KIF13A: variants seen among roughly 807,000 people sequenced by gnomAD.
KIF13A encodes kinesin-like protein KIF13A.
Under a neutral mutation model 212.2 loss-of-function variants are expected in KIF13A, and 79 were observed. That is an observed-to-expected ratio of 0.37 (90% confidence interval 0.31 to 0.45). The LOEUF (loss-of-function observed/expected upper bound fraction) is 0.45, where lower values mean the gene tolerates loss of function less well. Ranked by LOEUF, KIF13A falls within the 20% of genes least tolerant of loss-of-function variation. The probability of loss-of-function intolerance (pLI) is 1.00; values close to 1 mark genes in which losing one functional copy is unlikely to be tolerated. For missense variants in KIF13A, 1,901 were observed against 2,209.0 expected, an observed-to-expected ratio of 0.86 and a Z score of 2.79; for synonymous variants, 789 against 808.6, an observed-to-expected ratio of 0.98 and a Z score of 0.41.
chr6:17,762,537 G>T (rs1758635583), downstream of KIF13A, among the ~76,000 whole-genome samples: 1 of 152,112 alleles, frequency 6.6e-6, no homozygotes, highest in Non-Finnish European at 1.5e-5. Flanking sequence ...TAAGAGGCCT[G>T]CCACACCCTC....
intron 9 of KIF13A, among the ~76,000 whole-genome samples, chr6:17,842,287 G>C (rs1411309261): frequency 1.3e-5 from 2 of 152,026 alleles, no homozygotes; most frequent in Non-Finnish European, 2.9e-5. Flanking sequence ...CTGGGCTCAA[G>C]TGATCCTCCC....
At chr6:17,762,570 C>G (rs77465094), downstream of KIF13A, among the ~76,000 whole-genome samples, 3,921 of 152,154 alleles carry the variant, frequency 0.026, 76 homozygotes, top group Non-Finnish European at 0.041. Context: ...GTTTGTAGCA[C>G]CTTTAGGTTT....
At chr6:17,852,908 CTT>C (rs1429126320) in intron 6 of KIF13A, among the ~76,000 whole-genome samples, 1 of 152,134 alleles carries the variant, frequency 6.6e-6, no homozygotes, top group Non-Finnish European at 1.5e-5. Flanking sequence ...TTTTAAAGCT[CTT>C]TTGAATTTTT....
intron 2 of KIF13A, among the ~76,000 whole-genome samples, chr6:17,933,287 C>T (rs1776165087): frequency 6.6e-6 from 1 of 152,132 alleles, no homozygotes; most frequent in African/African-American, 2.4e-5. Context: ...TGCATACCAA[C>T]TGCATCTTTC....
rs1378470224 is a variant in KIF13A, at chr6:17,842,999, CTTA to C, written c.831-5419_831-5417del. Among the ~76,000 whole-genome samples the C allele has an allele frequency of 2.0e-5, 3 of 152,082 alleles. No individual in the cohort carries two copies. The East Asian group carries it at 5.8e-4, about 29-fold the overall frequency. Reference sequence around the variant, plus strand: ...AGGATGGATTTCAAATATTATTTTACTTATTAGTCCAATAATCAGTTCTAAGAT... The same window carrying C: ...AGGATGGATTTCAAATATTATTTTACTTAGTCCAATAATCAGTTCTAAGAT... On this transcript the variant is annotated intron_variant, in intron 9 of 38. Transcript: ENST00000259711.
At chr6:17,921,000 A>C (rs1249270807) in intron 2 of KIF13A, among the ~76,000 whole-genome samples, 1 of 152,226 alleles carries the variant, frequency 6.6e-6, no homozygotes, top group African/African-American at 2.4e-5. Flanking sequence ...AAGGTACTGG[A>C]AAAATTCCAC....
At chr6:17,774,069 G>C (rs1295427247) in intron 35 of KIF13A, among the ~76,000 whole-genome samples, 1 of 152,124 alleles carries the variant, frequency 6.6e-6, no homozygotes, top group Non-Finnish European at 1.5e-5. Flanking sequence ...GTTTCAAAGA[G>C]GCATAAAGTA....
intron 3 of KIF13A, among the ~76,000 whole-genome samples, chr6:17,879,346 T>C (rs1441664152): frequency 6.6e-6 from 1 of 152,216 alleles, no homozygotes; most frequent in Non-Finnish European, 1.5e-5. Flanking sequence ...ATTTTTTCAA[T>C]TAATAAACAT....
In KIF13A at chr6:17,898,775, G is replaced by A. The variant is rs1465160994; in HGVS notation, c.147-595C>T. Among the ~76,000 whole-genome samples, 6 of 152,068 alleles carry A rather than the reference G, an allele frequency of 3.9e-5. No homozygotes were observed. Among genetic ancestry groups the A allele is most frequent in the Non-Finnish European group, 5.9e-5 (4 of 68,016 alleles). On this transcript the variant is annotated intron_variant, in intron 2 of 38. Transcript: ENST00000259711. The surrounding 1 kb of genome is among the most constrained non-coding windows in gnomAD (Gnocchi z 5.2). ...ACTTGTTAAAACGTTTGTTTTACAC[G>A]TTAATAACTCAGAAATGACTGAAAT...
intron 2 of KIF13A, among the ~76,000 whole-genome samples, chr6:17,904,332 G>A (rs760892180): frequency 5.1e-4 from 77 of 152,260 alleles, no homozygotes; most frequent in Non-Finnish European, 8.8e-4. Context: ...GCCGGGTGTT[G>A]TGGCACATGC....
In KIF13A at chr6:17,874,999, G is replaced by GCGCGCGCACACACA. The variant is rs913365480; in HGVS notation, c.160-1563_160-1562insTGTGTGTGCGCGCG. On this transcript the variant is annotated intron_variant, in intron 3 of 38. Transcript: ENST00000259711. The stretch of plus-strand genomic sequence containing the variant: ...CCACCACACACACACACACGCACAC[G>GCGCGCGCACACACA]CACGCACACACACACACACACACAC... Among the ~76,000 whole-genome samples, 381 of 120,322 alleles carry GCGCGCGCACACACA rather than the reference G, an allele frequency of 3.2e-3. 5 individuals carry two copies. The highest frequency in any genetic ancestry group is 0.011 in the African/African-American group (369 of 32,742). The allele number at this position is 120,322 out of a possible 152,430, so 78.9% of individuals were successfully genotyped here. A position where few individuals can be genotyped will look rare whatever the true frequency, so the allele number is the denominator to read the frequency against.
intron 2 of KIF13A, among the ~76,000 whole-genome samples, chr6:17,924,611 A>G (rs6924302): frequency 0.73 from 110,760 of 152,122 alleles, 40,776 homozygotes; most frequent in South Asian, 0.83. Flanking sequence ...TTACATTTAT[A>G]TTGCACTAAA....
At chr6:17,810,039 C>G (rs559720695) in intron 17 of KIF13A, among the ~76,000 whole-genome samples, 1 of 152,040 alleles carries the variant, frequency 6.6e-6, no homozygotes, top group Admixed American at 6.5e-5. Context: ...CCAGCCTGGG[C>G]AACATAGCAA....
At chr6:17,866,734 G>A (rs1349455155) in intron 4 of KIF13A, among the ~76,000 whole-genome samples, 1 of 150,060 alleles carries the variant, frequency 6.7e-6, no homozygotes, top group Non-Finnish European at 1.5e-5. Flanking sequence ...ACACCCTAAG[G>A]AACAAATGTG....
At chr6:17,950,554 T>C in intron 2 of KIF13A, 1 of 985,348 alleles carries the variant, frequency 1.0e-6, no homozygotes, top group Non-Finnish European at 1.2e-6. Context: ...ATACCCCATT[T>C]GTTGGATGAA....
intron 25 of KIF13A, among the ~76,000 whole-genome samples, chr6:17,791,816 C>T (rs1290251755): frequency 6.7e-6 from 1 of 148,340 alleles, no homozygotes; most frequent in Non-Finnish European, 1.5e-5. Context: ...AAGAGAATCA[C>T]TTGAACCAGG....
chr6:17,887,331 G>A (rs1166009210), intron 3 of KIF13A, among the ~76,000 whole-genome samples: 1 of 152,184 alleles, frequency 6.6e-6, no homozygotes, highest in Non-Finnish European at 1.5e-5. Context: ...TCTAGCCATT[G>A]AACATTTAAG....
intron 35 of KIF13A, among the ~76,000 whole-genome samples, chr6:17,774,485 A>G (rs1415262451): frequency 6.6e-6 from 1 of 152,080 alleles, no homozygotes; most frequent in Non-Finnish European, 1.5e-5. Flanking sequence ...GAAAGTGCAT[A>G]GCAATTGTCT....
At chr6:17,966,284 A>AT (rs966172682) in intron 2 of KIF13A, among the ~76,000 whole-genome samples, 3 of 152,110 alleles carry the variant, frequency 2.0e-5, no homozygotes, top group African/African-American at 7.2e-5. Flanking sequence ...TATGTGTGCT[A>AT]TTTTTTATTT....
Sources: allele counts gnomAD v4.1 joint callset (sites outside exome capture counted in the v4.1 genomes callset), GRCh38; gene constraint gnomAD v4.1.1; non-coding constraint Gnocchi (gnomAD v3.1); transcripts MANE v1.5; gene names NCBI Gene and HGNC (gene_info 2026-07-23, HGNC 2026-07-21).